TMTC3: variants seen among roughly 807,000 people sequenced by gnomAD.
The protein encoded by TMTC3 is protein O-mannosyl-transferase TMTC3.
In TMTC3, 52 loss-of-function variants were observed where a neutral mutation model predicts 92.2. The observed-to-expected ratio is 0.56, with a 90% CI of 0.45 to 0.71. TMTC3 has a LOEUF of 0.71. TMTC3 is among the 30% of genes least tolerant of loss of function. The probability of loss-of-function intolerance (pLI) is 0.00; values close to 1 mark genes in which losing one functional copy is unlikely to be tolerated. For missense variants in TMTC3, 896 were observed against 1,057.1 expected (o/e 0.85, Z 2.11); for synonymous variants, 339 against 363.3 (o/e 0.93, Z 0.76).
intron 2 of TMTC3, among the ~76,000 whole-genome samples, chr12:88,149,681 C>T (rs1196290440): frequency 6.6e-6 from 1 of 152,128 alleles, no homozygotes; most frequent in Non-Finnish European, 1.5e-5. Context: ...TGGCCTCTTT[C>T]CCCATTCCCC....
intron 4 of TMTC3, among the ~76,000 whole-genome samples, chr12:88,154,896 A>G (rs1404136291): frequency 1.3e-5 from 2 of 152,110 alleles, no homozygotes; most frequent in African/African-American, 4.8e-5. Context: ...GATTCCTGGC[A>G]TTATCAGAAA....
At position 88,196,946 on chromosome 12, in the gene TMTC3, T is replaced by G. The variant is rs2041520254; in HGVS notation, c.*1297T>G. 6.6e-6 allele frequency: 1 copy of G among 151,934 alleles called. No individual in the cohort carries two copies. The highest frequency in any genetic ancestry group is 1.5e-5 in the Non-Finnish European group (1 of 67,796). The allele number at this position is 151,934 out of a possible 1,614,324, so 9.4% of individuals were successfully genotyped here. ...GTTAAAAAGTAGTTACAAATTAAAC[T>G]TACTAATTTATACCTGATTTTTTTT... is the stretch of plus-strand genomic sequence containing the variant. On this transcript the variant is annotated 3_prime_UTR_variant, in exon 14 of 14. Coordinates refer to ENST00000266712, the MANE Select transcript of TMTC3 (RefSeq NM_181783.4).
chr12:88,152,313 G>A (rs1164371672), intron 2 of TMTC3, among the ~76,000 whole-genome samples: 2 of 152,016 alleles, frequency 1.3e-5, no homozygotes, highest in Admixed American at 6.6e-5. Flanking sequence ...AGGAGAGGAG[G>A]TTCCAGGCTC....
chr12:88,145,657 T>A (rs2040863794), intron 1 of TMTC3, among the ~76,000 whole-genome samples: 2 of 152,170 alleles, frequency 1.3e-5, no homozygotes, highest in African/African-American at 4.8e-5. Flanking sequence ...GATATGGTAA[T>A]CTATGTGTTG....
chr12:88,177,567 G>A (rs2041273546), intron 10 of TMTC3, among the ~76,000 whole-genome samples: 1 of 152,186 alleles, frequency 6.6e-6, no homozygotes, highest in African/African-American at 2.4e-5. Flanking sequence ...CTGAGGAATT[G>A]TTGGTTTCTG....
At chr12:88,163,884 A>G (rs554849432) in intron 6 of TMTC3, among the ~76,000 whole-genome samples, 138 of 152,194 alleles carry the variant, frequency 9.1e-4, no homozygotes, top group African/African-American at 3.2e-3. Context: ...ATTTCCTCAC[A>G]TATATGTGCT....
Position 88,199,210 on chromosome 12 carries a change from C to T in TMTC3, c.*3561C>T, listed in dbSNP as rs2041553213. On this transcript the variant is annotated 3_prime_UTR_variant, in exon 14 of 14. Coordinates refer to ENST00000266712, the MANE Select transcript of TMTC3 (RefSeq NM_181783.4). ...CCACCAAATTAAGAAAAGGAAACAA[C>T]TCAGACTTGGAATTTTATACGAATT... is the stretch of plus-strand genomic sequence containing the variant. 6.6e-6 allele frequency: 1 copy of T among 152,018 alleles called. No individual in the cohort carries two copies. Among genetic ancestry groups the T allele is most frequent in the Admixed American group, 6.6e-5 (1 of 15,248 alleles). The allele number at this position is 152,018 out of a possible 1,614,324, so 9.4% of individuals were successfully genotyped here. A position where few individuals can be genotyped will look rare whatever the true frequency, so the allele number is the denominator to read the frequency against.
chr12:88,152,392 C>G (rs990691972), intron 2 of TMTC3, among the ~76,000 whole-genome samples: 1 of 152,116 alleles, frequency 6.6e-6, no homozygotes, highest in African/African-American at 2.4e-5. Flanking sequence ...ATAAAGGACC[C>G]AACCCCAATG....
chr12:88,183,017 A>C (rs2041335745), intron 10 of TMTC3, among the ~76,000 whole-genome samples: 1 of 152,190 alleles, frequency 6.6e-6, no homozygotes, highest in South Asian at 2.1e-4. Flanking sequence ...ATAGCCCGTA[A>C]GTCATGCAGA....
chr12:88,176,998 A>C (rs541858492), intron 10 of TMTC3, among the ~76,000 whole-genome samples: 1 of 152,164 alleles, frequency 6.6e-6, no homozygotes, highest in African/African-American at 2.4e-5. Context: ...TGTGGTCAAG[A>C]AAGGATGGTA....
intron 2 of TMTC3, 123 bp from the exon 3 acceptor site, chr12:88,153,168 T>G: frequency 3.3e-6 from 2 of 608,034 alleles, no homozygotes; most frequent in Non-Finnish European, 5.6e-6. Context: ...ACATTTCATA[T>G]TTTATTGTTA....
At chr12:88,166,641 C>T in intron 7 of TMTC3, 59 bp downstream of exon 7, 3 of 1,528,266 alleles carry the variant, frequency 2.0e-6, no homozygotes, top group Non-Finnish European at 2.6e-6. Flanking sequence ...AAGTAAGAAA[C>T]TACCTTTAAT....
At chr12:88,186,026 A>G (rs2041374069) in intron 10 of TMTC3, among the ~76,000 whole-genome samples, 1 of 152,100 alleles carries the variant, frequency 6.6e-6, no homozygotes, top group Non-Finnish European at 1.5e-5. Context: ...TTTTAAATAA[A>G]TTGATAATTT....
chr12:88,186,478 G>A (rs2041378766), intron 10 of TMTC3, among the ~76,000 whole-genome samples: 3 of 152,128 alleles, frequency 2.0e-5, no homozygotes, highest in South Asian at 4.1e-4. Flanking sequence ...TAGAAACCTA[G>A]TATTGACAAA....
At position 88,197,755 on chromosome 12, in the gene TMTC3, A is replaced by G. The variant is rs549339646; in HGVS notation, c.*2106A>G. On this transcript the variant is annotated 3_prime_UTR_variant, in exon 14 of 14. Transcript: ENST00000266712. ...ATAATTTATTTAAATCAAGACCACC[A>G]TAAGTCATTAATAATTTAATAATTG... is the stretch of plus-strand genomic sequence containing the variant. 3 of 152,226 alleles carry G rather than the reference A, an allele frequency of 2.0e-5. No homozygotes were observed. Among genetic ancestry groups the G allele is most frequent in the South Asian group, 4.1e-4 (2 of 4,826 alleles). The allele number at this position is 152,226 out of a possible 1,614,324, so 9.4% of individuals were successfully genotyped here. A position where few individuals can be genotyped will look rare whatever the true frequency, so the allele number is the denominator to read the frequency against.
In TMTC3 at chr12:88,160,853, T is replaced by TA; in HGVS notation, c.797+3dup. ...ATCCCAACTTCCAGTATTCACCAGGTATGAAATTCTGGTTCTTTGTTTTCT... is the reference window on the plus strand; with the variant it reads ...ATCCCAACTTCCAGTATTCACCAGGTAATGAAATTCTGGTTCTTTGTTTTCT... On this transcript the variant is annotated splice_region_variant and intron_variant, in intron 6 of 13. Transcript: ENST00000266712. 6.3e-7 allele frequency: 1 copy of TA among 1,577,002 alleles called. No individual in the cohort carries two copies. Among genetic ancestry groups the TA allele is most frequent in the Non-Finnish European group, 8.6e-7 (1 of 1,162,232 alleles).
rs1344225300 is a variant in TMTC3, at chr12:88,199,839, G to GTGA, written c.*4193_*4195dup. The GTGA allele has an allele frequency of 6.6e-6, 1 of 152,156 alleles. No homozygotes were observed. The highest frequency in any genetic ancestry group is 2.4e-5 in the African/African-American group (1 of 41,430). 9.4% of individuals were successfully genotyped at this position (152,156 alleles called of 1,614,324 possible). A position where few individuals can be genotyped will look rare whatever the true frequency, so the allele number is the denominator to read the frequency against. On this transcript the variant is annotated 3_prime_UTR_variant, in exon 14 of 14. Coordinates refer to ENST00000266712, the MANE Select transcript of TMTC3 (RefSeq NM_181783.4). ...ATTTCCATCAAGTAGCACGTATAAC[G>GTGA]TGATGCTTTCATGTTTCTGCCTTAA... is the stretch of plus-strand genomic sequence containing the variant.
At chr12:88,143,665 T>C (rs1433123624) in intron 1 of TMTC3, among the ~76,000 whole-genome samples, 1 of 152,226 alleles carries the variant, frequency 6.6e-6, no homozygotes. Context: ...TACTCAATAA[T>C]TTGAATTAAA....
At chr12:88,147,398 G>A (rs2040888801) in intron 1 of TMTC3, among the ~76,000 whole-genome samples, 1 of 152,058 alleles carries the variant, frequency 6.6e-6, no homozygotes, top group East Asian at 1.9e-4. Context: ...CACAAAACTT[G>A]ATTTTTACCT....
Sources: allele counts gnomAD v4.1 joint callset (sites outside exome capture counted in the v4.1 genomes callset), GRCh38; gene constraint gnomAD v4.1.1; transcripts MANE v1.5; gene names NCBI Gene and HGNC (gene_info 2026-07-23, HGNC 2026-07-21).